LIMCH1: variants seen among roughly 807,000 people sequenced by gnomAD.
The protein encoded by LIMCH1 is LIM and calponin homology domains 1, also known as LIM and calponin homology domains-containing protein 1.
In LIMCH1, 113 loss-of-function variants were observed where a neutral mutation model predicts 176.5. The observed-to-expected ratio is 0.64, with a 90% confidence interval of 0.55 to 0.75. The LOEUF (loss-of-function observed/expected upper bound fraction) is 0.75. Among genes scored for constraint, LIMCH1 ranks in the 30% least tolerant of loss-of-function variants. LIMCH1 has a pLI of 0.00. For synonymous variants in LIMCH1, 619 were observed against 645.9 expected, an observed-to-expected ratio of 0.96 and a Z score of 0.63; for missense variants, 1,674 against 1,814.9, an observed-to-expected ratio of 0.92 and a Z score of 1.41.
At chr4:41,691,417 G>T (rs1725547510) in intron 30 of LIMCH1, among the ~76,000 whole-genome samples, 1 of 151,926 alleles carries the variant, frequency 6.6e-6, no homozygotes, top group Non-Finnish European at 1.5e-5. Context: ...TGGATTTGTT[G>T]CTCTGAATAT....
rs779184137 is a variant in LIMCH1 at position 41,458,773 on chromosome 4, C to CAAAAA, written c.97-35745_97-35741dup. On this transcript the variant is annotated intron_variant, in intron 1 of 26. Transcript: ENST00000313860. ...TGGTGACAGAATGAGACTCTGTCAC[C>CAAAAA]AAAAAAAAAAAAAAAAAAAAAATAG... 3.0e-4 allele frequency among the ~76,000 whole-genome samples: 16 copies of CAAAAA among 53,418 alleles called. 1 individual carries two copies. The highest frequency in any genetic ancestry group is 8.4e-4 in the African/African-American group (10 of 11,914). 35.0% of individuals were successfully genotyped at this position (53,418 alleles called of 152,430 possible).
chr4:41,661,704 G>A (rs1437418973), intron 19 of LIMCH1, among the ~76,000 whole-genome samples, 194 bp downstream of exon 19: 2 of 152,094 alleles, frequency 1.3e-5, no homozygotes, highest in African/African-American at 4.8e-5. Context: ...GTGAAAATAG[G>A]AGCCCATGCT....
In LIMCH1 at chr4:41,613,633, A is replaced by G. The variant is rs771734366; in HGVS notation, c.177A>G (p.Pro59=). Residue 59 remains proline (P), a synonymous_variant, in exon 5 of 32, where the codon CCA becomes CCG. Coordinates refer to ENST00000503057, the MANE Select transcript of LIMCH1 (RefSeq NM_001330672.2). ...CTCGCTCTCGGCAGACGCCTTCACC[A>G]GATGTAGTCCTCAGGGGAAGCAGCG... ...FGSRSRQTPS[P]DVVLRGSSDG... is the part of the protein sequence containing the mutation. 7 of 1,614,100 alleles carry G rather than the reference A, an allele frequency of 4.3e-6. No homozygotes were observed. The highest frequency in any genetic ancestry group is 5.9e-6 in the Non-Finnish European group (7 of 1,180,004).
intron 20 of LIMCH1, among the ~76,000 whole-genome samples, chr4:41,665,872 A>G (rs762305747): frequency 9.2e-5 from 14 of 152,234 alleles, no homozygotes; most frequent in Admixed American, 3.3e-4. Flanking sequence ...AGTAGCAATA[A>G]CAAGAAAAAT....
In LIMCH1 at chr4:41,483,885, G is replaced by A. The variant is rs535818117; in HGVS notation, c.97-10651G>A. ...TATTTTGCTCAAATGCTGCACCAAA[G>A]GGTGCTTAACTGTGACATCAACTCT... On this transcript the variant is annotated intron_variant, in intron 1 of 26. Transcript: ENST00000313860. 3.3e-5 allele frequency among the ~76,000 whole-genome samples: 5 copies of A among 152,356 alleles called. No homozygotes were observed. In the South Asian group the frequency reaches 1.0e-3, roughly 32 times the overall value.
chr4:41,361,013 C>G, intron 1 of LIMCH1: 1 of 1,048,188 alleles, frequency 9.5e-7, no homozygotes, highest in Non-Finnish European at 1.3e-6. Context: ...GACCGCAGGT[C>G]CAGCCTTGCC....
At chr4:41,617,332 G>A (rs1048549539) in intron 5 of LIMCH1, among the ~76,000 whole-genome samples, 4 of 152,136 alleles carry the variant, frequency 2.6e-5, no homozygotes, top group Non-Finnish European at 4.4e-5. Context: ...AGAACAGAAA[G>A]TAGAGTTTCA....
chr4:41,654,788 G>C (rs1450219559), intron 18 of LIMCH1, among the ~76,000 whole-genome samples: 7 of 152,040 alleles, frequency 4.6e-5, no homozygotes, highest in Admixed American at 4.6e-4. Flanking sequence ...AGGTGATGAG[G>C]GTGCTGTATA....
chr4:41,530,950 A>T (rs900100997), intron 3 of LIMCH1, among the ~76,000 whole-genome samples: 1 of 149,970 alleles, frequency 6.7e-6, no homozygotes, highest in Non-Finnish European at 1.5e-5. Context: ...GTGCTAGATC[A>T]TCCTTCCTAA....
chr4:41,631,027 A>T (rs2093292207), intron 9 of LIMCH1, 121 bp from the exon 10 acceptor site: 1 of 820,412 alleles, frequency 1.2e-6, no homozygotes, highest in African/African-American at 1.7e-5. Flanking sequence ...CGTCAGTGGG[A>T]TGCCGAACTC....
intron 21 of LIMCH1, among the ~76,000 whole-genome samples, chr4:41,666,896 G>A (rs929435726): frequency 6.6e-6 from 1 of 152,128 alleles, no homozygotes; most frequent in African/African-American, 2.4e-5. Flanking sequence ...GGTCAGCCAG[G>A]CACTATAGGC....
chr4:41,596,815 GCTAGCTCA>G (rs1429043568), intron 1 of LIMCH1, among the ~76,000 whole-genome samples: 1 of 152,186 alleles, frequency 6.6e-6, no homozygotes, highest in Non-Finnish European at 1.5e-5. Context: ...ACTTTGAGCA[GCTAGCTCA>G]CTGTCAGCCT....
intron 1 of LIMCH1, among the ~76,000 whole-genome samples, chr4:41,371,687 T>A (rs568066857): frequency 6.6e-6 from 1 of 152,220 alleles, no homozygotes; most frequent in South Asian, 2.1e-4. Flanking sequence ...TTTCAATAAA[T>A]TTCACCCATG....
chr4:41,604,392 T>C (rs778237610), intron 3 of LIMCH1: 21 of 183,534 alleles, frequency 1.1e-4, no homozygotes, highest in Admixed American at 3.3e-4. Context: ...TTTTTGTAGA[T>C]CTTATTTTCA....
exon 3 of LIMCH1, chr4:41,524,459 C>T (rs2076423980): frequency 1.2e-6 from 2 of 1,613,586 alleles, no homozygotes; most frequent in East Asian, 2.2e-5. Context: ...AATAGATTGC[C>T]TACCCCCATT....
At chr4:41,386,760 A>G (rs2056549224) in intron 1 of LIMCH1, among the ~76,000 whole-genome samples, 1 of 152,180 alleles carries the variant, frequency 6.6e-6, no homozygotes, top group South Asian at 2.1e-4. Flanking sequence ...TTTAGGGAAA[A>G]TATGGATATT....
intron 1 of LIMCH1, among the ~76,000 whole-genome samples, chr4:41,541,804 A>G (rs1158961558): frequency 6.6e-6 from 1 of 152,174 alleles, no homozygotes; most frequent in Non-Finnish European, 1.5e-5. Context: ...TTTGATTCCC[A>G]TGTAAGCTTT....
chr4:41,464,891 A>G (rs2065904830), intron 1 of LIMCH1, among the ~76,000 whole-genome samples: 2 of 152,198 alleles, frequency 1.3e-5, no homozygotes, highest in Non-Finnish European at 2.9e-5. Context: ...TATTTGTTGA[A>G]TCAGTGAATT....
intron 22 of LIMCH1, among the ~76,000 whole-genome samples, chr4:41,675,650 C>T (rs906010138): frequency 6.7e-6 from 1 of 149,392 alleles, no homozygotes; most frequent in Non-Finnish European, 1.5e-5. Flanking sequence ...GCTGTGATTT[C>T]CCTTCCCCCC....
Sources: allele counts gnomAD v4.1 joint callset (sites outside exome capture counted in the v4.1 genomes callset), GRCh38; gene constraint gnomAD v4.1.1; transcripts MANE v1.5; gene names NCBI Gene and HGNC (gene_info 2026-07-23, HGNC 2026-07-21).